The following SHISA6 variants were observed in gnomAD, a reference collection of about 807,000 sequenced individuals.
SHISA6 encodes shisa family member 6, also known as protein shisa-6.
Under a neutral mutation model 47.9 loss-of-function variants are expected in SHISA6, and 22 were observed. That is an observed-to-expected ratio of 0.46 (90% confidence interval 0.33 to 0.66). The LOEUF (loss-of-function observed/expected upper bound fraction) is 0.66, where lower values mean the gene tolerates loss of function less well. SHISA6 is among the 30% of genes least tolerant of loss of function. SHISA6 has a pLI of 0.02. For missense variants in SHISA6, 680 were observed against 764.6 expected, an observed-to-expected ratio of 0.89 and a Z score of 1.30; for synonymous variants, 388 against 337.8, an observed-to-expected ratio of 1.15 and a Z score of -1.63.
At chr17:11,509,229 C>T (rs2071523976) in intron 3 of SHISA6, among the ~76,000 whole-genome samples, 1 of 152,190 alleles carries the variant, frequency 6.6e-6, no homozygotes, top group Non-Finnish European at 1.5e-5. Context: ...TTCTTAGCTA[C>T]CATTGGAGCC....
chr17:11,328,424 C>T (rs898315763), intron 2 of SHISA6, among the ~76,000 whole-genome samples: 1 of 152,188 alleles, frequency 6.6e-6, no homozygotes, highest in Non-Finnish European at 1.5e-5. Context: ...GTTGCAGAAC[C>T]ACAGGCAGCT....
chr17:11,347,798 C>T (rs1007566563), intron 2 of SHISA6, among the ~76,000 whole-genome samples: 1 of 152,070 alleles, frequency 6.6e-6, no homozygotes, highest in African/African-American at 2.4e-5. Context: ...AGAGTGGTGC[C>T]CTTTTCTCTG....
At chr17:11,313,476 T>C (rs1160810460) in intron 2 of SHISA6, among the ~76,000 whole-genome samples, 2 of 152,222 alleles carry the variant, frequency 1.3e-5, no homozygotes, top group Non-Finnish European at 2.9e-5. Flanking sequence ...CTAGTAAAGG[T>C]ATTCTAGGGA....
intron 3 of SHISA6, among the ~76,000 whole-genome samples, chr17:11,529,146 T>C (rs2071712038): frequency 6.6e-6 from 1 of 151,584 alleles, no homozygotes; most frequent in Non-Finnish European, 1.5e-5. Flanking sequence ...TGAGCCAAGA[T>C]TGCGCCATTG....
intron 4 of SHISA6, among the ~76,000 whole-genome samples, chr17:11,554,224 C>G (rs570995680): frequency 8.5e-4 from 129 of 152,288 alleles, no homozygotes; most frequent in Non-Finnish European, 1.7e-3. Flanking sequence ...CCTGCTCACT[C>G]CACTTCCTGG....
At chr17:11,357,187 C>CAAAAAAAA (rs60564976) in intron 2 of SHISA6, among the ~76,000 whole-genome samples, 3 of 90,122 alleles carry the variant, frequency 3.3e-5, no homozygotes, top group East Asian at 3.3e-4. Context: ...GACTCCGTCT[C>CAAAAAAAA]AAAAAAAAAA....
intron 4 of SHISA6, among the ~76,000 whole-genome samples, chr17:11,552,384 T>C (rs2071939351): frequency 6.6e-6 from 1 of 152,226 alleles, no homozygotes; most frequent in Admixed American, 6.5e-5. Flanking sequence ...TCAAAACTGA[T>C]TTGGGCTTTA....
chr17:11,499,646 T>C (rs1023157420), intron 3 of SHISA6, among the ~76,000 whole-genome samples: 1 of 152,150 alleles, frequency 6.6e-6, no homozygotes, highest in African/African-American at 2.4e-5. Flanking sequence ...TTGTTTTTTA[T>C]TTCTTTTAAG....
At chr17:11,258,778 C>T (rs764938175) in intron 1 of SHISA6, among the ~76,000 whole-genome samples, 1 of 152,222 alleles carries the variant, frequency 6.6e-6, no homozygotes, top group Non-Finnish European at 1.5e-5. Context: ...ATGTGAATGA[C>T]ACACTAAGGT....
At chr17:11,462,255 A>G (rs1198121686) in intron 3 of SHISA6, among the ~76,000 whole-genome samples, 1 of 152,168 alleles carries the variant, frequency 6.6e-6, no homozygotes, top group Non-Finnish European at 1.5e-5. Flanking sequence ...TGAAGGCTGA[A>G]TGTTTTATCC....
chr17:11,425,296 A>G (rs1010485240), intron 3 of SHISA6, among the ~76,000 whole-genome samples: 3 of 151,928 alleles, frequency 2.0e-5, no homozygotes, highest in Admixed American at 1.3e-4. Flanking sequence ...GCCCATTTCA[A>G]TTTTAGTGGG....
At chr17:11,398,954 GTTAT>G (rs1389173346) in intron 3 of SHISA6, among the ~76,000 whole-genome samples, 1 of 126,154 alleles carries the variant, frequency 7.9e-6, no homozygotes, top group African/African-American at 3.2e-5. Flanking sequence ...TTCTACCTAG[GTTAT>G]TTTTTTTTTT....
intron 3 of SHISA6, among the ~76,000 whole-genome samples, chr17:11,520,322 C>T (rs1401719953): frequency 6.6e-6 from 1 of 152,222 alleles, no homozygotes; most frequent in East Asian, 1.9e-4. Context: ...ATCTCAGTAG[C>T]ATCCCTAATT....
At chr17:11,332,246 A>G (rs1205153865) in intron 2 of SHISA6, among the ~76,000 whole-genome samples, 5 of 143,654 alleles carry the variant, frequency 3.5e-5, no homozygotes, top group African/African-American at 9.9e-5. Context: ...CGTTGGGGAA[A>G]AAAAAAAAAT....
At chr17:11,540,430 AC>A (rs1345437571) in intron 3 of SHISA6, among the ~76,000 whole-genome samples, 4 of 152,018 alleles carry the variant, frequency 2.6e-5, no homozygotes, top group Admixed American at 6.5e-5. Context: ...AGATCAGAGG[AC>A]CCTGTGTACA....
chr17:11,536,606 C>G (rs1365984959), intron 3 of SHISA6, among the ~76,000 whole-genome samples: 2 of 152,108 alleles, frequency 1.3e-5, no homozygotes, highest in Non-Finnish European at 2.9e-5. Context: ...TCACAGCAAT[C>G]CCACTTCAGA....
intron 3 of SHISA6, among the ~76,000 whole-genome samples, chr17:11,480,588 C>T (rs962562001): frequency 1.3e-5 from 2 of 152,110 alleles, no homozygotes; most frequent in Non-Finnish European, 2.9e-5. Context: ...TGGGGTTTTC[C>T]ATCACTATGC....
intron 3 of SHISA6, among the ~76,000 whole-genome samples, chr17:11,424,334 C>CTAA (rs1475237612): frequency 6.6e-6 from 1 of 152,032 alleles, no homozygotes; most frequent in Non-Finnish European, 1.5e-5. Context: ...GGCAAAATTA[C>CTAA]CATCAACATA....
intron 3 of SHISA6, among the ~76,000 whole-genome samples, chr17:11,499,428 T>C (rs986830093): frequency 3.9e-5 from 6 of 152,148 alleles, no homozygotes; most frequent in African/African-American, 1.4e-4. Flanking sequence ...CTCTGCTTTC[T>C]TCCCCCACCT....
Sources: gnomAD v4.1 joint callset for allele counts (sites outside exome capture counted in the v4.1 genomes callset) on GRCh38, gnomAD v4.1.1 for gene constraint, MANE v1.5 for transcripts, NCBI Gene and HGNC (gene_info 2026-07-23, HGNC 2026-07-21) for gene names.